Variants in PCID2 observed in about 807,000 individuals in gnomAD.
The protein encoded by PCID2 is PCI domain-containing protein 2.
A neutral mutation model predicts 61.3 loss-of-function variants in PCID2; 41 were observed. The observed-to-expected ratio is 0.67, with a 90% CI of 0.52 to 0.87. PCID2 has a LOEUF of 0.87. Ranked by LOEUF, PCID2 falls within the 40% of genes least tolerant of loss-of-function variation. The pLI, the probability that PCID2 is intolerant of heterozygous loss-of-function variation, is 0.00. For missense variants in PCID2, 392 were observed against 493.4 expected (o/e 0.79, Z 1.95); for synonymous variants, 187 against 177.8 (o/e 1.05, Z -0.41).
chr13:113,170,350 C>T, the PCID2 span: 1 of 1,039,124 alleles, frequency 9.6e-7, no homozygotes, highest in Non-Finnish European at 1.5e-6. Flanking sequence ...ATCCAGTAGA[C>T]TTTACTGCCC....
chr13:113,173,073 T>C (rs1298115915), downstream of PCID2, among the ~76,000 whole-genome samples: 1 of 152,156 alleles, frequency 6.6e-6, no homozygotes, highest in Non-Finnish European at 1.5e-5. Flanking sequence ...AGTGAGGTGC[T>C]ACCCTGGAGA....
At chr13:113,169,049 T>TC in the PCID2 span, among the ~76,000 whole-genome samples, 1 of 152,162 alleles carries the variant, frequency 6.6e-6, no homozygotes, top group Non-Finnish European at 1.5e-5. Context: ...AGATTTTTTT[T>TC]CTCTCCTCCT....
the PCID2 span, among the ~76,000 whole-genome samples, chr13:113,170,030 C>G: frequency 6.6e-6 from 1 of 152,212 alleles, no homozygotes; most frequent in African/African-American, 2.4e-5. Flanking sequence ...CCGTCCTGCT[C>G]TGCACCATGG....
At chr13:113,195,457 GTGGTT>G (rs1486683598) in intron 5 of PCID2, among the ~76,000 whole-genome samples, 2 of 152,188 alleles carry the variant, frequency 1.3e-5, no homozygotes, top group Non-Finnish European at 2.9e-5. Context: ...TAAAAAAGAA[GTGGTT>G]TGATCAGATT....
downstream of PCID2, among the ~76,000 whole-genome samples, chr13:113,173,947 G>A (rs1404844435): frequency 3.3e-5 from 5 of 152,094 alleles, no homozygotes; most frequent in African/African-American, 7.2e-5. Flanking sequence ...AACTATTCCA[G>A]TCCAGGCGCA....
At chr13:113,200,405 T>C in intron 2 of PCID2, 22 bp downstream of exon 2, 1 of 1,448,808 alleles carries the variant, frequency 6.9e-7, no homozygotes, top group Non-Finnish European at 9.7e-7. Flanking sequence ...CAGACACCTG[T>C]GTGCACAGCT....
chr13:113,171,737 C>G, the PCID2 span: 2 of 1,612,018 alleles, frequency 1.2e-6, no homozygotes, highest in African/African-American at 2.7e-5. This position sits in a 1 kb window ranked among gnomAD's most constrained non-coding sequence, Gnocchi z 5.1. Context: ...TGCGGGGCTC[C>G]CCGTGTGCAC....
At chr13:113,191,299 G>A (rs2038597463) in intron 6 of PCID2, among the ~76,000 whole-genome samples, 1 of 151,972 alleles carries the variant, frequency 6.6e-6, no homozygotes, top group Non-Finnish European at 1.5e-5. Context: ...CTCCGGAAGT[G>A]TTGGGATTAC....
chr13:113,182,945 A>C (rs1457363992), intron 9 of PCID2, among the ~76,000 whole-genome samples: 1 of 152,244 alleles, frequency 6.6e-6, no homozygotes, highest in Non-Finnish European at 1.5e-5. Flanking sequence ...AAAAGTATAC[A>C]TACAACAACT....
chr13:113,196,657 G>A (rs1357826407), intron 4 of PCID2, among the ~76,000 whole-genome samples: 1 of 152,126 alleles, frequency 6.6e-6, no homozygotes, highest in Non-Finnish European at 1.5e-5. Flanking sequence ...TAAACAAGGT[G>A]GTTAAAACGA....
rs574792153 is a variant in PCID2, at chr13:113,204,955, G to A, written c.36+3644C>T. On this transcript the variant is annotated intron_variant, in intron 1 of 13. Coordinates refer to ENST00000337344, the MANE Select transcript of PCID2 (RefSeq NM_001127202.4). ...CACCCCCAGGCCTGGCTCACCAGGG[G>A]ATGCTCCCTGGCTCTGGCCCCAGGA... Among the ~76,000 whole-genome samples the A allele has an allele frequency of 2.0e-5, 3 of 152,292 alleles. No homozygotes were observed. The East Asian group carries it at 5.8e-4, about 30-fold the overall frequency.
chr13:113,171,795 G>C, the PCID2 span: 1 of 1,613,464 alleles, frequency 6.2e-7, no homozygotes, highest in Non-Finnish European at 8.5e-7. This position sits in a 1 kb window ranked among gnomAD's most constrained non-coding sequence, Gnocchi z 5.1. Context: ...CGCACCAGGG[G>C]CCTCCTCAGC....
chr13:113,172,934 C>A (rs940902020), downstream of PCID2, among the ~76,000 whole-genome samples: 1 of 152,134 alleles, frequency 6.6e-6, no homozygotes, highest in African/African-American at 2.4e-5. Flanking sequence ...GAGTGTGTGT[C>A]CCTTCAAAAC....
At chr13:113,198,369 T>C in intron 2 of PCID2, 105 bp from the exon 3 acceptor site, 1 of 725,826 alleles carries the variant, frequency 1.4e-6, no homozygotes, top group Non-Finnish European at 2.3e-6. Context: ...ATTTATGCTT[T>C]ACAGTTCACA....
At position 113,179,139 on chromosome 13, in the gene PCID2, C is replaced by A; in HGVS notation, c.987-50G>T. ...CTGTGGTTACCGACAGGATGCAATA[C>A]TCCACAGCCAAGAAAAGGCACCTCT... On this transcript the variant is annotated intron_variant, in intron 12 of 13. Coordinates refer to ENST00000337344, the MANE Select transcript of PCID2 (RefSeq NM_001127202.4). The surrounding 1 kb of genome is among the most constrained non-coding windows in gnomAD (Gnocchi z 4.3). 1 of 1,561,688 alleles carries A rather than the reference C, an allele frequency of 6.4e-7. No individual in the cohort carries two copies. The highest frequency in any genetic ancestry group is 8.7e-7 in the Non-Finnish European group (1 of 1,151,866).
intron 1 of PCID2, among the ~76,000 whole-genome samples, chr13:113,201,861 A>C (rs1292579239): frequency 6.6e-6 from 1 of 152,066 alleles, no homozygotes; most frequent in African/African-American, 2.4e-5. Context: ...ACTAAGAAAA[A>C]AGGCAAGCAC....
chr13:113,199,849 T>C (rs1236342927), intron 2 of PCID2, among the ~76,000 whole-genome samples: 1 of 152,180 alleles, frequency 6.6e-6, no homozygotes, highest in Non-Finnish European at 1.5e-5. Context: ...CCGCCAAACA[T>C]AATCACCAAT....
chr13:113,193,170 G>A (rs566469237), intron 6 of PCID2, among the ~76,000 whole-genome samples: 10 of 152,184 alleles, frequency 6.6e-5, no homozygotes, highest in African/African-American at 2.4e-4. Flanking sequence ...ACTAACACAA[G>A]ATATTACGAA....
chr13:113,176,561 AGAC>A (rs2037194079), downstream of PCID2, among the ~76,000 whole-genome samples: 1 of 3,964 alleles, frequency 2.5e-4, no homozygotes, highest in South Asian at 0.062. Flanking sequence ...CAGGCGTTCC[AGAC>A]CAGCCTGTGC....
Sources: allele counts gnomAD v4.1 joint callset (sites outside exome capture counted in the v4.1 genomes callset), GRCh38; gene constraint gnomAD v4.1.1; non-coding constraint Gnocchi (gnomAD v3.1); transcripts MANE v1.5; gene names NCBI Gene and HGNC (gene_info 2026-07-23, HGNC 2026-07-21).